Variants in MKRN2OS observed in about 807,000 individuals in gnomAD.
The protein encoded by MKRN2OS is MKRN2 opposite strand protein.
MKRN2OS carries 17 observed loss-of-function variants against 18.2 expected under a neutral mutation model. That is an observed-to-expected ratio of 0.93 (90% CI 0.64 to 1.40). The LOEUF is 1.40. MKRN2OS is among the 40% of genes most tolerant of loss of function. MKRN2OS has a pLI of 0.00. For missense variants in MKRN2OS, 337 were observed against 283.0 expected (o/e 1.19, Z -1.37); for synonymous variants, 121 against 108.5 (o/e 1.12, Z -0.72).
In MKRN2OS at chr3:12,541,909, C is replaced by A. The variant is rs1318725806; in HGVS notation, c.382G>T (p.Asp128Tyr). Residue 128 changes from aspartate to tyrosine, a missense_variant, in exon 3 of 4, where the codon GAC becomes TAC. Coordinates refer to ENST00000564146, the MANE Select transcript of MKRN2OS (RefSeq NM_001195279.2). The part of the protein sequence containing the change: ...PNMYGMMEQW[D>Y]KYLEDFSTSG... The stretch of plus-strand genomic sequence containing the variant: ...GTGGAGAAGTCTTCCAGGTACTTGT[C>A]CCATTGCTCCATCATTCCATACATG... 4 of 1,536,070 alleles carry A rather than the reference C, an allele frequency of 2.6e-6. No homozygotes were observed. The highest frequency in any genetic ancestry group is 3.5e-6 in the Non-Finnish European group (4 of 1,146,882).
intron 1 of MKRN2OS, chr3:12,556,940 G>A (rs1432355793): frequency 4.5e-6 from 2 of 440,290 alleles, no homozygotes; most frequent in Admixed American, 9.1e-5. Flanking sequence ...GGGATGCCGG[G>A]ACAGCCGGCC....
chr3:12,550,926 T>C (rs187357626), downstream of MKRN2OS, among the ~76,000 whole-genome samples: 2 of 152,308 alleles, frequency 1.3e-5, no homozygotes, highest in Admixed American at 6.5e-5. Flanking sequence ...TTTGATTCCT[T>C]AAAGGAAAGT....
downstream of MKRN2OS, among the ~76,000 whole-genome samples, chr3:12,550,804 G>A (rs1267852820): frequency 7.3e-6 from 1 of 137,802 alleles, no homozygotes; most frequent in Non-Finnish European, 1.5e-5. Flanking sequence ...ACCTGCCACC[G>A]GTAACATATT....
chr3:12,545,233 A>G lies in MKRN2OS; in HGVS notation c.218+14T>C, dbSNP rs943160506. 4 of 1,516,440 alleles carry G rather than the reference A, an allele frequency of 2.6e-6. No homozygotes were observed. Among genetic ancestry groups the G allele is most frequent in the Non-Finnish European group, 3.5e-6 (4 of 1,133,516 alleles). 93.9% of individuals were successfully genotyped at this position (1,516,440 alleles called of 1,614,324 possible). A position where few individuals can be genotyped will look rare whatever the true frequency, so the allele number is the denominator to read the frequency against. ...TTTGCACAATGCAATTTAACACTGT[A>G]AAAAACACTGTACCTAAGAAATGTC... On this transcript the variant is annotated intron_variant, in intron 1 of 3. Transcript: ENST00000564146.
chr3:12,557,572 C>T (rs900175207), intron 1 of MKRN2OS, among the ~76,000 whole-genome samples: 7 of 152,202 alleles, frequency 4.6e-5, no homozygotes, highest in Non-Finnish European at 8.8e-5. Context: ...GGGGATACCA[C>T]ATAGGAGTAA....
chr3:12,541,914 T>A lies in MKRN2OS; in HGVS notation c.377A>T (p.Gln126Leu). 6.5e-7 allele frequency: 1 copy of A among 1,536,062 alleles called. No homozygotes were observed. The highest frequency in any genetic ancestry group is 1.2e-5 in the South Asian group (1 of 84,040). The change falls in exon 3 of 4, where the codon CAA becomes CTA. Residue 126 changes from glutamine to leucine, a missense_variant. Coordinates refer to ENST00000564146, the MANE Select transcript of MKRN2OS (RefSeq NM_001195279.2). ...GAAGTCTTCCAGGTACTTGTCCCAT[T>A]GCTCCATCATTCCATACATGTTGGG... ...LQPNMYGMME[Q>L]WDKYLEDFST... is the part of the protein sequence containing the mutation.
At chr3:12,546,621 G>A (rs927973619), upstream of MKRN2OS, among the ~76,000 whole-genome samples, 5 of 118,990 alleles carry the variant, frequency 4.2e-5, no homozygotes, top group East Asian at 2.3e-4. Flanking sequence ...CACTCTTGTC[G>A]CCAGGCTGGA....
At chr3:12,552,993 G>A (rs189828813), downstream of MKRN2OS, among the ~76,000 whole-genome samples, 16 of 140,910 alleles carry the variant, frequency 1.1e-4, no homozygotes, top group East Asian at 1.3e-3. Context: ...TCCAGCCTGG[G>A]TGACAAAGTG....
chr3:12,540,810 G>A lies in MKRN2OS; in HGVS notation c.432-377C>T, dbSNP rs146864443. ...TTGTTTGAACCGGCGGGAGGCAGAG[G>A]TTGCAGTAAGCCAAGATCGCACCAC... On this transcript the variant is annotated intron_variant, in intron 3 of 3. Coordinates refer to ENST00000564146, the MANE Select transcript of MKRN2OS (RefSeq NM_001195279.2). Among the ~76,000 whole-genome samples, 256 of 147,252 alleles carry A rather than the reference G, an allele frequency of 1.7e-3. 3 individuals are homozygous for A. The highest frequency in any genetic ancestry group is 3.1e-3 in the Admixed American group (44 of 14,426).
chr3:12,560,816 T>C (rs1351024093), exon 1 of MKRN2OS: 1 of 152,284 alleles, frequency 6.6e-6, no homozygotes, highest in East Asian at 1.9e-4. Flanking sequence ...CTCCTCCAGT[T>C]CATGTCTCAG....
At chr3:12,542,711 TAAAAAAAAA>T (rs544900301) in intron 2 of MKRN2OS, among the ~76,000 whole-genome samples, 3 of 109,072 alleles carry the variant, frequency 2.8e-5, no homozygotes, top group Non-Finnish European at 3.7e-5. Context: ...TCACTTTCCT[TAAAAAAAAA>T]AAAAAAAAAA....
At chr3:12,550,782 G>A (rs529629534), downstream of MKRN2OS, among the ~76,000 whole-genome samples, 3 of 152,244 alleles carry the variant, frequency 2.0e-5, no homozygotes, top group South Asian at 2.1e-4. Flanking sequence ...ATTCACTGCC[G>A]GTAACTCGGA....
At position 12,540,303 on chromosome 3, in the gene MKRN2OS, G is replaced by T; in HGVS notation, c.562C>A (p.Leu188Met). ...TEKYVVPRTR[L>M]ASKFITLYRA... ...TAGAGTGTGATGAACTTGGATGCCA[G>T]CCTTGTCCGCGGGACCACGTACTTC... Residue 188 changes from leucine to methionine, a missense_variant, in exon 4 of 4, where the codon CTG (leucine) becomes ATG (methionine). By Grantham distance (15) the Leu-to-Met change is conservative. Transcript: ENST00000564146. The T allele has an allele frequency of 6.5e-7, 1 of 1,536,142 alleles. No individual in the cohort carries two copies. The highest frequency in any genetic ancestry group is 1.2e-5 in the South Asian group (1 of 84,066).
At chr3:12,543,265 ATGTAT>A (rs746801528) in intron 1 of MKRN2OS, 36 bp from the exon 2 acceptor site, 143 of 1,513,542 alleles carry the variant, frequency 9.4e-5, no homozygotes, top group Non-Finnish European at 1.2e-4. Flanking sequence ...TTTGGTTTGC[ATGTAT>A]TTGGCATGAA....
upstream of MKRN2OS, among the ~76,000 whole-genome samples, chr3:12,545,816 AT>A (rs1023863702): frequency 4.2e-4 from 64 of 152,088 alleles, no homozygotes; most frequent in African/African-American, 1.5e-3. Context: ...ACTCTTATTT[AT>A]TTATTTAGAG....
upstream of MKRN2OS, among the ~76,000 whole-genome samples, chr3:12,546,661 ACCTCCG>A (rs1431117013): frequency 7.1e-6 from 1 of 139,888 alleles, no homozygotes; most frequent in Non-Finnish European, 1.5e-5. Context: ...GCTCACTGCA[ACCTCCG>A]CCTCCTGGGT....
At chr3:12,552,015 G>A (rs1387931763), downstream of MKRN2OS, among the ~76,000 whole-genome samples, 4 of 151,812 alleles carry the variant, frequency 2.6e-5, no homozygotes, top group African/African-American at 9.7e-5. Context: ...TGGACTAAAT[G>A]CTCCGATACA....
At chr3:12,557,400 C>T (rs978178437) in intron 1 of MKRN2OS, among the ~76,000 whole-genome samples, 8 of 152,212 alleles carry the variant, frequency 5.3e-5, no homozygotes, top group Admixed American at 4.6e-4. Flanking sequence ...CGGGGGGCTA[C>T]GCCCCGAGTT....
At chr3:12,550,025 T>G (rs73126384), upstream of MKRN2OS, among the ~76,000 whole-genome samples, 139 of 152,252 alleles carry the variant, frequency 9.1e-4, no homozygotes, top group Non-Finnish European at 1.5e-3. Flanking sequence ...ATTTGGAAAA[T>G]AGTCTGCCAG....
Sources: allele counts gnomAD v4.1 joint callset (sites outside exome capture counted in the v4.1 genomes callset), GRCh38; gene constraint gnomAD v4.1.1; transcripts MANE v1.5; gene names NCBI Gene and HGNC (gene_info 2026-07-23, HGNC 2026-07-21).